Variants in TAC1 observed in about 807,000 individuals in gnomAD.
The protein encoded by TAC1 is protachykinin-1.
TAC1 carries 12 observed loss-of-function variants against 21.7 expected under a neutral mutation model. That is an observed-to-expected ratio of 0.55 (90% CI 0.35 to 0.89). TAC1 has a LOEUF of 0.89. Ranked by LOEUF, TAC1 falls within the 40% of genes least tolerant of loss-of-function variation. The probability of loss-of-function intolerance (pLI) is 0.01; values close to 1 mark genes in which losing one functional copy is unlikely to be tolerated. For synonymous variants in TAC1, 52 were observed against 52.0 expected, an observed-to-expected ratio of 1.00 and a Z score of 0.00; for missense variants, 128 against 151.4, an observed-to-expected ratio of 0.85 and a Z score of 0.81.
chr7:97,733,649 G>C, intron 2 of TAC1, 74 bp from the exon 3 acceptor site: 2 of 1,473,796 alleles, frequency 1.4e-6, no homozygotes, highest in Non-Finnish European at 1.9e-6. Context: ...GTACAGCGGG[G>C]GGAAGGGCTC....
Position 97,734,837 on chromosome 7 carries a change from ATC to A in TAC1, c.282_283del (p.His95GlnfsTer4). The A allele has an allele frequency of 1.3e-6, 2 of 1,596,286 alleles. No individual in the cohort carries two copies. Among genetic ancestry groups the A allele is most frequent in the Non-Finnish European group, 1.7e-6 (2 of 1,167,014 alleles). ...TATCTTTCTTCTAGGACATGGCCAGATCTCTCACAAAAGTAAGTTCAAAATTA... is the reference window on the plus strand; with the variant it reads ...TATCTTTCTTCTAGGACATGGCCAGATCTCACAAAAGTAAGTTCAAAATTA... ...LLKALYGHGQ[I>X]SHKRHKTDSF... On this transcript the variant is annotated frameshift_variant, in exon 5 of 7. Transcript: ENST00000319273. LOFTEE classifies it high-confidence loss of function.
chr7:97,738,691 G>A (rs1427053488), intron 6 of TAC1, among the ~76,000 whole-genome samples: 6 of 151,986 alleles, frequency 3.9e-5, no homozygotes, highest in Non-Finnish European at 8.8e-5. Flanking sequence ...TATTAAAAGA[G>A]GGAAGTGATA....
intron 5 of TAC1, 24 bp from the exon 6 acceptor site, chr7:97,736,275 A>AT: frequency 1.3e-6 from 2 of 1,597,088 alleles, no homozygotes; most frequent in Non-Finnish European, 1.7e-6. Flanking sequence ...ACATATTAAA[A>AT]TACCCCTAAA....
chr7:97,732,644 T>G lies in TAC1; in HGVS notation c.32T>G (p.Phe11Cys). 6.2e-7 allele frequency: 1 copy of G among 1,614,176 alleles called. No homozygotes were observed. Among genetic ancestry groups the G allele is most frequent in the Non-Finnish European group, 8.5e-7 (1 of 1,180,022 alleles). Residue 11 changes from phenylalanine (F) to cysteine (C), a missense_variant, in exon 2 of 7, where the codon TTT becomes TGT. Physicochemically the swap from Phe to Cys is radical, Grantham distance 205. Coordinates refer to ENST00000319273, the MANE Select transcript of TAC1 (RefSeq NM_003182.3). This position sits in a 1 kb window ranked among gnomAD's most constrained non-coding sequence, Gnocchi z 6.2. MKILVALAVF[F>C]LVSTQLFAEE... ...ATCCTCGTGGCCTTGGCAGTCTTTT[T>G]TCTTGTCTCCACTCAGCTGTTTGCA...
At position 97,733,791 on chromosome 7, in the gene TAC1, C is replaced by T. The variant is rs768180091; in HGVS notation, c.192C>T (p.Phe64=). ...CCCGGAGACCCAAGCCTCAGCAGTTCTTTGGATTAATGGGCAAACGGGATG... is the reference window on the plus strand; with the variant it reads ...CCCGGAGACCCAAGCCTCAGCAGTTTTTTGGATTAATGGGCAAACGGGATG... The part of the protein sequence containing the change: ...RIARRPKPQQ[F]FGLMGKRDAD... Residue 64 remains phenylalanine, a synonymous_variant, in exon 3 of 7, where the codon TTC becomes TTT. Coordinates refer to ENST00000319273, the MANE Select transcript of TAC1 (RefSeq NM_003182.3). 4 of 1,614,170 alleles carry T rather than the reference C, an allele frequency of 2.5e-6. No individual in the cohort carries two copies. The Admixed American group carries it at 5.0e-5, about 20-fold the overall frequency.
chr7:97,734,308 A>C lies in TAC1; in HGVS notation c.265+16A>C. 6.2e-7 allele frequency: 1 copy of C among 1,607,196 alleles called. No individual in the cohort carries two copies. Among genetic ancestry groups the C allele is most frequent in the South Asian group, 1.1e-5 (1 of 90,654 alleles). ...GCTCTTTATGGTAAACATTCCTATA[A>C]ATCTTTATTTTACTATTGTGAAAGC... On this transcript the variant is annotated intron_variant, in intron 4 of 6. Coordinates refer to ENST00000319273, the MANE Select transcript of TAC1 (RefSeq NM_003182.3).
chr7:97,733,789 T>C lies in TAC1; in HGVS notation c.190T>C (p.Phe64Leu). The C allele has an allele frequency of 1.2e-6, 2 of 1,614,034 alleles. No individual in the cohort carries two copies. Among genetic ancestry groups the C allele is most frequent in the Non-Finnish European group, 1.7e-6 (2 of 1,179,972 alleles). ...CGCCCGGAGACCCAAGCCTCAGCAG[T>C]TCTTTGGATTAATGGGCAAACGGGA... ...RIARRPKPQQ[F>L]FGLMGKRDAD... Residue 64 changes from phenylalanine (F) to leucine (L), a missense_variant, in exon 3 of 7, where the codon TTC (phenylalanine) becomes CTC (leucine). Coordinates refer to ENST00000319273, the MANE Select transcript of TAC1 (RefSeq NM_003182.3).
At chr7:97,738,121 T>C (rs1789617549) in intron 6 of TAC1, among the ~76,000 whole-genome samples, 1 of 151,964 alleles carries the variant, frequency 6.6e-6, no homozygotes, top group Admixed American at 6.6e-5. Context: ...GAAATATAAA[T>C]AGGTGAAATG....
rs2115841707 is a variant in TAC1 at position 97,736,420 on chromosome 7, G to A, written c.343+68G>A. ...CTATTTCTATTTTTTCTAAGACATA[G>A]TTTTAAAATATTAAAAAGGAGTGGT... On this transcript the variant is annotated intron_variant, in intron 6 of 6. Transcript: ENST00000319273. 2.8e-6 allele frequency: 4 copies of A among 1,417,034 alleles called. No homozygotes were observed. In the East Asian group the frequency reaches 9.2e-5, roughly 33 times the overall value. 87.8% of individuals were successfully genotyped at this position (1,417,034 alleles called of 1,614,324 possible).
At chr7:97,736,490 C>A in intron 6 of TAC1, 138 bp downstream of exon 6, 1 of 752,588 alleles carries the variant, frequency 1.3e-6, no homozygotes, top group Non-Finnish European at 2.2e-6. Flanking sequence ...AATTGTTGTA[C>A]TTGTAACCAC....
Position 97,732,938 on chromosome 7 carries a change from G to T in TAC1, c.123+203G>T. ...GCCCACGATTCAAGTTTCTTCCCGA[G>T]GGCTGCACCGTCCGGCCCAGGAACT... On this transcript the variant is annotated intron_variant, in intron 2 of 6. Transcript: ENST00000319273. This position sits in a 1 kb window ranked among gnomAD's most constrained non-coding sequence, Gnocchi z 6.2. 8 of 660,640 alleles carry T rather than the reference G, an allele frequency of 1.2e-5. No homozygotes were observed. The South Asian group carries it at 1.8e-4, about 15-fold the overall frequency. 40.9% of individuals were successfully genotyped at this position (660,640 alleles called of 1,614,324 possible).
Position 97,732,752 on chromosome 7 carries a change from G to A in TAC1, c.123+17G>A. On this transcript the variant is annotated intron_variant, in intron 2 of 6. Coordinates refer to ENST00000319273, the MANE Select transcript of TAC1 (RefSeq NM_003182.3). The surrounding 1 kb of genome is among the most constrained non-coding windows in gnomAD (Gnocchi z 6.2). Reference sequence around the variant, plus strand: ...CAGATCAAGGTGAGGCCCCTTCCCAGGACGGCCCGCACCCTTCTTCCTGGG... The same window carrying A: ...CAGATCAAGGTGAGGCCCCTTCCCAAGACGGCCCGCACCCTTCTTCCTGGG... The A allele has an allele frequency of 6.2e-7, 1 of 1,611,202 alleles. No homozygotes were observed. Among genetic ancestry groups the A allele is most frequent in the Non-Finnish European group, 8.5e-7 (1 of 1,178,944 alleles).
intron 3 of TAC1, 149 bp from the exon 4 acceptor site, chr7:97,734,099 A>T: frequency 1.3e-6 from 1 of 775,268 alleles, no homozygotes. Flanking sequence ...CAGGGGTAGT[A>T]CTGCGGATGA....
intron 4 of TAC1, among the ~76,000 whole-genome samples, 154 bp downstream of exon 4, chr7:97,734,446 T>G (rs1789513813): frequency 6.6e-6 from 1 of 151,840 alleles, no homozygotes; most frequent in Non-Finnish European, 1.5e-5. Flanking sequence ...TCTCTCTCTC[T>G]GTCACTCTCT....
chr7:97,732,464 T>G lies in TAC1; in HGVS notation c.-9-140T>G. ...GATTCTCTCGCCTAACCGGTACAGG[T>G]GAGACTTCAGTCCTTATGTTTTTGA... On this transcript the variant is annotated intron_variant, in intron 1 of 6. Coordinates refer to ENST00000319273, the MANE Select transcript of TAC1 (RefSeq NM_003182.3). The surrounding 1 kb of genome is among the most constrained non-coding windows in gnomAD (Gnocchi z 6.2). 2 of 981,492 alleles carry G rather than the reference T, an allele frequency of 2.0e-6. No individual in the cohort carries two copies. The highest frequency in any genetic ancestry group is 3.1e-6 in the Non-Finnish European group (2 of 652,802). The allele number at this position is 981,492 out of a possible 1,614,324, so 60.8% of individuals were successfully genotyped here.
intron 4 of TAC1, 103 bp from the exon 5 acceptor site, chr7:97,734,723 A>C: frequency 1.1e-6 from 1 of 886,152 alleles, no homozygotes; most frequent in Non-Finnish European, 1.8e-6. Context: ...ATATAGATAG[A>C]AAATGTTACA....
rs569523099 is a variant in TAC1, at chr7:97,732,586, C to T, written c.-9-18C>T. On this transcript the variant is annotated intron_variant, in intron 1 of 6. Coordinates refer to ENST00000319273, the MANE Select transcript of TAC1 (RefSeq NM_003182.3). The surrounding 1 kb of genome is among the most constrained non-coding windows in gnomAD (Gnocchi z 6.2). ...ATTATTTCTCTCTTTGGTGTCTTCT[C>T]CTCCTACCCCTTCCCAGAAATCCAA... is the stretch of plus-strand genomic sequence containing the variant. The T allele has an allele frequency of 3.7e-6, 6 of 1,613,980 alleles. No individual in the cohort carries two copies. The East Asian group carries it at 8.9e-5, about 24-fold the overall frequency.
chr7:97,735,366 A>C (rs535888371), intron 5 of TAC1, among the ~76,000 whole-genome samples: 96 of 152,344 alleles, frequency 6.3e-4, no homozygotes, highest in South Asian at 2.3e-3. Context: ...GTAGAGATGC[A>C]GTTTTTTAAT....
At chr7:97,733,978 C>A in intron 3 of TAC1, 159 bp downstream of exon 3, 1 of 745,144 alleles carries the variant, frequency 1.3e-6, no homozygotes, top group Non-Finnish European at 2.2e-6. Flanking sequence ...CACTAAGGCA[C>A]GCACGGGCCC....
Sources: gnomAD v4.1 joint callset for allele counts (sites outside exome capture counted in the v4.1 genomes callset) on GRCh38, gnomAD v4.1.1 for gene constraint, Gnocchi (gnomAD v3.1) non-coding constraint, MANE v1.5 for transcripts, NCBI Gene and HGNC (gene_info 2026-07-23, HGNC 2026-07-21) for gene names.